The following NISCH variants were observed in gnomAD, a reference collection of about 807,000 sequenced individuals.
NISCH encodes nischarin.
NISCH carries 55 observed loss-of-function variants against 138.4 expected under a neutral mutation model. The observed-to-expected ratio is 0.40, with a 90% CI of 0.32 to 0.50. The LOEUF is 0.50. Among genes scored for constraint, NISCH ranks in the 20% least tolerant of loss-of-function variants. The pLI, the probability that NISCH is intolerant of heterozygous loss-of-function variation, is 0.71. For synonymous variants in NISCH, 860 were observed against 861.5 expected (o/e 1.00, Z 0.03); for missense variants, 1,643 against 2,005.5 (o/e 0.82, Z 3.45).
intron 14 of NISCH, 123 bp downstream of exon 14, chr3:52,484,760 C>A: frequency 1.9e-6 from 2 of 1,052,414 alleles, no homozygotes; most frequent in Non-Finnish European, 1.4e-6. Context: ...GTTTGGCGTC[C>A]TCTGCTTTGT....
At chr3:52,488,633 C>T (rs1300501093) in intron 16 of NISCH, 28 bp downstream of exon 16, 1 of 1,554,456 alleles carries the variant, frequency 6.4e-7, no homozygotes, top group Non-Finnish European at 8.8e-7. Context: ...TCTCAGGGGC[C>T]CCGGGGGCAT....
chr3:52,457,593 C>T (rs1706510169), intron 1 of NISCH, among the ~76,000 whole-genome samples: 1 of 152,192 alleles, frequency 6.6e-6, no homozygotes, highest in Non-Finnish European at 1.5e-5. Context: ...ATGCTTGTCT[C>T]ATGTGCCTCC....
intron 3 of NISCH, among the ~76,000 whole-genome samples, chr3:52,463,331 C>T (rs1299124539): frequency 6.6e-6 from 1 of 152,148 alleles, no homozygotes; most frequent in Non-Finnish European, 1.5e-5. Context: ...TTGGATATGC[C>T]ACATTATGTT....
At chr3:52,485,874 A>G in intron 15 of NISCH, 47 bp downstream of exon 15, 1 of 1,539,722 alleles carries the variant, frequency 6.5e-7, no homozygotes, top group South Asian at 1.2e-5. Flanking sequence ...ACACAGCCTT[A>G]TGCACACACA....
chr3:52,455,729 T>TA lies in NISCH; in HGVS notation c.89dup (p.Tyr30Ter). ...CGTGGGCTCGGAGCTTGTGGACACT[T>TA]ATACGGTGTGTTGGGGGCGCGGGCA... ...RVVGSELVDT[Y>*]TVYIIQVTDG... is the part of the protein sequence containing the mutation. Residue 30 changes from tyrosine to a stop codon, truncating the protein, a stop_gained and frameshift_variant, in exon 1 of 21, where the codon TAT becomes TAAT. Coordinates refer to ENST00000345716, the MANE Select transcript of NISCH (RefSeq NM_007184.4). LOFTEE classifies it high-confidence loss of function. 1 of 1,362,806 alleles carries TA rather than the reference T, an allele frequency of 7.3e-7. No homozygotes were observed. The highest frequency in any genetic ancestry group is 9.5e-7 in the Non-Finnish European group (1 of 1,047,230). 84.4% of individuals were successfully genotyped at this position (1,362,806 alleles called of 1,614,324 possible).
chr3:52,484,462 T>TTGGCCCCCCC, intron 13 of NISCH, 51 bp from the exon 14 acceptor site: 86 of 788,660 alleles, frequency 1.1e-4, no homozygotes, highest in Non-Finnish European at 1.4e-4. Context: ...ACAGCCGCTC[T>TTGGCCCCCCC]CCCCGCCCCA....
rs756789102 is a variant in NISCH at position 52,487,565 on chromosome 3, A to T, written c.2073A>T (p.Glu691Asp). The stretch of plus-strand genomic sequence containing the variant: ...CCGAGGAGGAGCGCCTGGCTCTGGA[A>T]TGGGCCCTGGGCGCGGACGAGGACT... The part of the protein sequence containing the change: ...EEAEEERLAL[E>D]WALGADEDFL... The change falls in exon 16 of 21, where the codon GAA (glutamate) becomes GAT (aspartate). Residue 691 changes from glutamate to aspartate, a missense_variant. Physicochemically the swap from Glu to Asp is conservative, Grantham distance 45. Coordinates refer to ENST00000345716, the MANE Select transcript of NISCH (RefSeq NM_007184.4). This position sits in a 1 kb window ranked among gnomAD's most constrained non-coding sequence, Gnocchi z 9.1. 8 of 1,612,100 alleles carry T rather than the reference A, an allele frequency of 5.0e-6. No homozygotes were observed. The South Asian group carries it at 6.6e-5, about 13-fold the overall frequency.
chr3:52,459,694 A>G (rs1706576703), intron 3 of NISCH, among the ~76,000 whole-genome samples: 1 of 151,828 alleles, frequency 6.6e-6, no homozygotes, highest in South Asian at 2.1e-4. Flanking sequence ...TCAGCCTCCC[A>G]AAGTGCTGGG....
chr3:52,481,471 T>G, intron 13 of NISCH: 2 of 985,484 alleles, frequency 2.0e-6, no homozygotes, highest in Non-Finnish European at 2.4e-6. Flanking sequence ...TTTTATTACA[T>G]AAAAGCCAGG....
At chr3:52,457,605 A>G (rs904254607) in intron 1 of NISCH, among the ~76,000 whole-genome samples, 5 of 152,218 alleles carry the variant, frequency 3.3e-5, no homozygotes, top group African/African-American at 1.2e-4. Flanking sequence ...TGTGCCTCCC[A>G]GCCCTAGTGC....
In NISCH at chr3:52,470,209, G is replaced by T. The variant is rs1706906060; in HGVS notation, c.361-650G>T. ...GAATTAGGATCCAAGCGTGTTGTTTGTATGACTGGGGGCTTGGCCTTGTCC... is the reference window on the plus strand; with the variant it reads ...GAATTAGGATCCAAGCGTGTTGTTTTTATGACTGGGGGCTTGGCCTTGTCC... On this transcript the variant is annotated intron_variant, in intron 3 of 20. Coordinates refer to ENST00000345716, the MANE Select transcript of NISCH (RefSeq NM_007184.4). Among the ~76,000 whole-genome samples the T allele has an allele frequency of 2.0e-5, 3 of 151,926 alleles. No homozygotes were observed. The South Asian group carries it at 6.2e-4, about 31-fold the overall frequency.
intron 9 of NISCH, 144 bp from the exon 10 acceptor site, chr3:52,477,953 G>T: frequency 1.2e-6 from 1 of 868,908 alleles, no homozygotes. Flanking sequence ...AGAGAAGAGG[G>T]ACTTCCCTTC....
At position 52,489,557 on chromosome 3, in the gene NISCH, T is replaced by C; in HGVS notation, c.3335T>C (p.Ile1112Thr). The C allele has an allele frequency of 6.2e-7, 1 of 1,613,232 alleles. No homozygotes were observed. Reference protein sequence around the residue: ...APAQYPSEHLIQATSEENQIP... With the variant: ...APAQYPSEHLTQATSEENQIP... ...GCCCAGTACCCGAGTGAGCACCTCA[T>C]CCAGGCCACCTCGGAGGAGAATCAG... Residue 1112 changes from isoleucine to threonine, a missense_variant, in exon 17 of 21, where the codon ATC (isoleucine) becomes ACC (threonine). Coordinates refer to ENST00000345716, the MANE Select transcript of NISCH (RefSeq NM_007184.4).
chr3:52,485,921 A>T (rs1325610152), intron 15 of NISCH, 94 bp downstream of exon 15: 1 of 1,229,852 alleles, frequency 8.1e-7, no homozygotes, highest in African/African-American at 1.5e-5. Context: ...AGGTTTTTTT[A>T]AAAATCCGTT....
intron 13 of NISCH, chr3:52,481,955 C>T (rs1243354965): frequency 6.1e-6 from 6 of 981,218 alleles, no homozygotes; most frequent in Non-Finnish European, 3.6e-6. Context: ...CAGCAAAGAT[C>T]GGACCCCTAA....
chr3:52,490,283 A>T, intron 18 of NISCH, 52 bp downstream of exon 18: 1 of 1,591,148 alleles, frequency 6.3e-7, no homozygotes, highest in South Asian at 1.1e-5. Context: ...TGGTTGGGGC[A>T]GGCCTGGGGG....
chr3:52,491,689 C>T, intron 20 of NISCH, 176 bp downstream of exon 20: 2 of 1,059,978 alleles, frequency 1.9e-6, no homozygotes, highest in Non-Finnish European at 2.7e-6. Flanking sequence ...AGCAGTCCCT[C>T]AACCATCTGG....
chr3:52,465,608 T>G (rs1241985145), intron 3 of NISCH, among the ~76,000 whole-genome samples: 2 of 152,200 alleles, frequency 1.3e-5, no homozygotes, highest in Non-Finnish European at 2.9e-5. Flanking sequence ...GTGACAGGCC[T>G]CATCCCAGAA....
chr3:52,479,960 G>T lies in NISCH; in HGVS notation c.1416+98G>T, dbSNP rs931781098. ...GGCCATGGGACTGCTCAGGGCTGCC[G>T]AGTCCCAGCTGCGCCCCTCCCTGGC... On this transcript the variant is annotated intron_variant, in intron 12 of 20. Transcript: ENST00000345716. The T allele has an allele frequency of 3.7e-6, 4 of 1,074,056 alleles. No individual in the cohort carries two copies. In the African/African-American group the frequency reaches 6.3e-5, roughly 17 times the overall value. The allele number at this position is 1,074,056 out of a possible 1,614,324, so 66.5% of individuals were successfully genotyped here.
Sources: gnomAD v4.1 joint callset for allele counts (sites outside exome capture counted in the v4.1 genomes callset) on GRCh38, gnomAD v4.1.1 for gene constraint, Gnocchi (gnomAD v3.1) non-coding constraint, MANE v1.5 for transcripts, NCBI Gene and HGNC (gene_info 2026-07-23, HGNC 2026-07-21) for gene names.